LGALS4: variants seen among roughly 807,000 people sequenced by gnomAD.
The protein encoded by LGALS4 is galectin 4.
LGALS4 carries 37 observed loss-of-function variants against 39.6 expected under a neutral mutation model. The observed-to-expected ratio is 0.93, with a 90% CI of 0.72 to 1.23. The LOEUF is 1.23. Among genes scored for constraint, LGALS4 ranks in the 50% most tolerant of loss-of-function variants. LGALS4 has a pLI of 0.00. For synonymous variants in LGALS4, 160 were observed against 165.5 expected, an observed-to-expected ratio of 0.97 and a Z score of 0.25; for missense variants, 397 against 433.2, an observed-to-expected ratio of 0.92 and a Z score of 0.74.
intron 2 of LGALS4, among the ~76,000 whole-genome samples, chr19:38,812,209 A>G (rs573771086): frequency 1.3e-5 from 2 of 152,238 alleles, no homozygotes; most frequent in South Asian, 4.1e-4. Flanking sequence ...TCTAATGTCC[A>G]ACTCAGGGAC....
Position 38,812,530 on chromosome 19 carries a change from G to A in LGALS4, c.46-11C>T, listed in dbSNP as rs1262129885. On this transcript the variant is annotated splice_polypyrimidine_tract_variant and intron_variant, in intron 1 of 9. Transcript: ENST00000307751. Reference sequence around the variant, plus strand: ...GTAGTAAGGCAGCGTCTGGAGAAGAGGCCTGGTGAGGGGACTCACAAGCCA... The same window carrying A: ...GTAGTAAGGCAGCGTCTGGAGAAGAAGCCTGGTGAGGGGACTCACAAGCCA... 12 of 1,612,824 alleles carry A rather than the reference G, an allele frequency of 7.4e-6. No homozygotes were observed. The highest frequency in any genetic ancestry group is 1.0e-5 in the Non-Finnish European group (12 of 1,178,962).
At chr19:38,804,538 CAA>C (rs1383746870) in intron 4 of LGALS4, among the ~76,000 whole-genome samples, 2 of 152,208 alleles carry the variant, frequency 1.3e-5, no homozygotes, top group Non-Finnish European at 2.9e-5. Context: ...CTCACCCTCC[CAA>C]GTCTAACACC....
chr19:38,807,963 C>T (rs1971442210), intron 3 of LGALS4, among the ~76,000 whole-genome samples: 1 of 152,028 alleles, frequency 6.6e-6, no homozygotes, highest in African/African-American at 2.4e-5. Flanking sequence ...TCTCAAGTAC[C>T]CAGGGACACA....
chr19:38,808,698 C>T lies in LGALS4; in HGVS notation c.339+46G>A, dbSNP rs756637965. 39 of 1,460,610 alleles carry T rather than the reference C, an allele frequency of 2.7e-5. No homozygotes were observed. The Middle Eastern group carries it at 5.3e-4, about 20-fold the overall frequency. The allele number at this position is 1,460,610 out of a possible 1,614,324, so 90.5% of individuals were successfully genotyped here. Reference sequence around the variant, plus strand: ...GGAAGGAAGGAAGCAGCCAAGATGGCGCCACTGCACTCCAGCTTGGGAAAC... The same window carrying T: ...GGAAGGAAGGAAGCAGCCAAGATGGTGCCACTGCACTCCAGCTTGGGAAAC... On this transcript the variant is annotated intron_variant, in intron 3 of 9. Transcript: ENST00000307751.
At chr19:38,811,770 T>C (rs1419267082) in intron 2 of LGALS4, among the ~76,000 whole-genome samples, 1 of 151,852 alleles carries the variant, frequency 6.6e-6, no homozygotes, top group African/African-American at 2.4e-5. Flanking sequence ...TCCCAGCACT[T>C]TGGGAGGCCG....
chr19:38,803,301 G>A (rs1971382731), intron 7 of LGALS4: 2 of 600,712 alleles, frequency 3.3e-6, no homozygotes, highest in East Asian at 5.5e-5. Flanking sequence ...ACAGGCGTGA[G>A]CCACCATGTC....
chr19:38,810,218 C>T (rs933039569), intron 2 of LGALS4, among the ~76,000 whole-genome samples: 2 of 152,088 alleles, frequency 1.3e-5, no homozygotes, highest in Non-Finnish European at 1.5e-5. Flanking sequence ...TGCAGTGATG[C>T]GATCTCAGCT....
At chr19:38,811,107 G>A (rs563934161) in intron 2 of LGALS4, among the ~76,000 whole-genome samples, 234 of 151,932 alleles carry the variant, frequency 1.5e-3, no homozygotes, top group Admixed American at 4.0e-3. Context: ...CTCCATTTTG[G>A]TCAGGCTGGT....
At chr19:38,806,377 A>G in intron 4 of LGALS4, 84 bp downstream of exon 4, 1 of 1,462,110 alleles carries the variant, frequency 6.8e-7, no homozygotes, top group Non-Finnish European at 9.3e-7. Flanking sequence ...CAAAAAAAAA[A>G]GAAAAAAAGA....
chr19:38,809,830 A>G (rs1971471987), intron 2 of LGALS4, among the ~76,000 whole-genome samples: 1 of 150,480 alleles, frequency 6.6e-6, no homozygotes, highest in African/African-American at 2.4e-5. Flanking sequence ...CCTCTTCCCA[A>G]CTTCCAGTTA....
At position 38,802,331 on chromosome 19, in the gene LGALS4, G is replaced by A. The variant is rs768461954; in HGVS notation, c.644C>T (p.Pro215Leu). The A allele has an allele frequency of 6.2e-7, 1 of 1,614,126 alleles. No homozygotes were observed. The highest frequency in any genetic ancestry group is 2.2e-5 in the East Asian group (1 of 44,878). The change falls in exon 8 of 10, where the codon CCT (proline) becomes CTT (leucine). Residue 215 changes from proline (P) to leucine (L), a missense_variant. Physicochemically the swap from Pro to Leu is moderately conservative, Grantham distance 98. Coordinates refer to ENST00000307751, the MANE Select transcript of LGALS4 (RefSeq NM_006149.4). The stretch of plus-strand genomic sequence containing the variant: ...TACGTTATACCTCTTGCCTGTGGGA[G>A]GCACATAGCCCTTGATGATGATGGT... ...RRTIIIKGYVPPTGKSFAINF... is the reference protein window; with the variant it reads ...RRTIIIKGYVLPTGKSFAINF...
At chr19:38,810,573 A>G (rs902562287) in intron 2 of LGALS4, among the ~76,000 whole-genome samples, 1 of 151,988 alleles carries the variant, frequency 6.6e-6, no homozygotes. Flanking sequence ...TGTGTTAGCC[A>G]GGATGGTCTC....
chr19:38,809,332 A>T (rs1971465441), intron 2 of LGALS4, among the ~76,000 whole-genome samples: 1 of 151,510 alleles, frequency 6.6e-6, no homozygotes, highest in Non-Finnish European at 1.5e-5. Flanking sequence ...GGCGTGCACC[A>T]CCACGTCCGG....
intron 3 of LGALS4, among the ~76,000 whole-genome samples, chr19:38,807,562 G>A (rs551224753): frequency 9.1e-4 from 138 of 151,974 alleles, no homozygotes; most frequent in Non-Finnish European, 1.3e-3. Context: ...CGGCCGCCCC[G>A]TCTGGGAAGT....
intron 4 of LGALS4, among the ~76,000 whole-genome samples, chr19:38,806,120 C>A (rs1280089604): frequency 6.6e-6 from 1 of 152,086 alleles, no homozygotes; most frequent in South Asian, 2.1e-4. Flanking sequence ...GTAATCCCAG[C>A]ACTTTGGGAA....
chr19:38,810,401 C>T (rs1009033871), intron 2 of LGALS4, among the ~76,000 whole-genome samples: 7 of 117,682 alleles, frequency 5.9e-5, no homozygotes, highest in East Asian at 2.6e-4. Flanking sequence ...CTCGCTCTTT[C>T]GCCCAGGCTG....
chr19:38,805,853 C>T (rs1464589943), intron 4 of LGALS4, among the ~76,000 whole-genome samples: 1 of 152,164 alleles, frequency 6.6e-6, no homozygotes, highest in Non-Finnish European at 1.5e-5. Flanking sequence ...CAGCAGATCA[C>T]TTGAGGCCAG....
Position 38,808,714 on chromosome 19 carries a change from C to T in LGALS4, c.339+30G>A, listed in dbSNP as rs371020846. 1.9e-6 allele frequency: 3 copies of T among 1,594,454 alleles called. No individual in the cohort carries two copies. In the African/African-American group the frequency reaches 4.0e-5, roughly 21 times the overall value. On this transcript the variant is annotated intron_variant, in intron 3 of 9. Transcript: ENST00000307751. ...CCAAGATGGCGCCACTGCACTCCAG[C>T]TTGGGAAACAAGAGAGAAAGCATGC...
rs1360180896 is a variant in LGALS4 at position 38,802,444 on chromosome 19, TAGC to T, written c.571-43_571-41del. On this transcript the variant is annotated intron_variant, in intron 7 of 9. Coordinates refer to ENST00000307751, the MANE Select transcript of LGALS4 (RefSeq NM_006149.4). ...CGGGGGGTCCCATTCTCTCTCAGCT[TAGC>T]AGAGCCAGATGTGGGAAGAAATTTT... 4 of 1,470,986 alleles carry T rather than the reference TAGC, an allele frequency of 2.7e-6. No individual in the cohort carries two copies. In the African/African-American group the frequency reaches 4.2e-5, roughly 15 times the overall value. The allele number at this position is 1,470,986 out of a possible 1,614,324, so 91.1% of individuals were successfully genotyped here. A position where few individuals can be genotyped will look rare whatever the true frequency, so the allele number is the denominator to read the frequency against.
Sources: gnomAD v4.1 joint callset for allele counts (sites outside exome capture counted in the v4.1 genomes callset) on GRCh38, gnomAD v4.1.1 for gene constraint, MANE v1.5 for transcripts, NCBI Gene and HGNC (gene_info 2026-07-23, HGNC 2026-07-21) for gene names.